ZNF521: variants seen among roughly 807,000 people sequenced by gnomAD.
ZNF521 encodes the protein LYST-interacting protein 3.
Under a neutral mutation model 105.5 loss-of-function variants are expected in ZNF521, and 14 were observed. The ratio of observed to expected loss-of-function variants is 0.13; its 90% confidence interval spans 0.09 to 0.21. The LOEUF (loss-of-function observed/expected upper bound fraction) is 0.21, where lower values mean the gene tolerates loss of function less well. ZNF521 is among the 10% of genes least tolerant of loss of function. ZNF521 has a pLI of 1.00. For missense variants in ZNF521, 1,233 were observed against 1,629.7 expected (o/e 0.76, Z 4.19); for synonymous variants, 635 against 606.0 (o/e 1.05, Z -0.70).
intron 5 of ZNF521, among the ~76,000 whole-genome samples, chr18:25,187,812 TACCATCTA>T (rs1464807014): frequency 3.3e-5 from 5 of 152,184 alleles, no homozygotes; most frequent in Non-Finnish European, 7.4e-5. Context: ...TTGAAAATCG[TACCATCTA>T]CAGGGTCTCC....
intron 2 of ZNF521, among the ~76,000 whole-genome samples, chr18:25,323,791 T>C (rs1216209696): frequency 6.6e-6 from 1 of 152,210 alleles, no homozygotes; most frequent in Non-Finnish European, 1.5e-5. Context: ...CTTATACTCC[T>C]TTCTTGTCTG....
Position 25,112,583 on chromosome 18 carries a change from C to T in ZNF521, c.3659-20502G>A, listed in dbSNP as rs2034214068. Reference sequence around the variant, plus strand: ...ACACACTCCCATCCAGCGCATCTTGCCATTCTGCATACACTTAATGTATGA... The same window carrying T: ...ACACACTCCCATCCAGCGCATCTTGTCATTCTGCATACACTTAATGTATGA... On this transcript the variant is annotated intron_variant, in intron 5 of 7. Transcript: ENST00000361524. 2.0e-5 allele frequency among the ~76,000 whole-genome samples: 3 copies of T among 152,142 alleles called. No individual in the cohort carries two copies. In the South Asian group the frequency reaches 6.2e-4, roughly 31 times the overall value.
At chr18:25,241,545 T>C (rs1907334475) in intron 3 of ZNF521, among the ~76,000 whole-genome samples, 1 of 151,936 alleles carries the variant, frequency 6.6e-6, no homozygotes. Context: ...TGTTGATGAA[T>C]ACAAATGTAA....
At chr18:25,350,199 A>G (rs1319579094) in intron 2 of ZNF521, among the ~76,000 whole-genome samples, 1 of 152,150 alleles carries the variant, frequency 6.6e-6, no homozygotes, top group African/African-American at 2.4e-5. Flanking sequence ...GGGACGACGG[A>G]GAGCTGGACC....
chr18:25,173,117 T>C (rs1011132684), intron 5 of ZNF521, among the ~76,000 whole-genome samples: 17 of 152,362 alleles, frequency 1.1e-4, no homozygotes, highest in African/African-American at 3.1e-4. Context: ...ATGATAAATC[T>C]GAGTGCGTCC....
At chr18:25,239,825 T>G (rs1355300300) in intron 3 of ZNF521, among the ~76,000 whole-genome samples, 2 of 152,180 alleles carry the variant, frequency 1.3e-5, no homozygotes, top group African/African-American at 4.8e-5. Flanking sequence ...TGATTTTTAT[T>G]GGCTTCATTT....
At chr18:25,298,773 T>C (rs1304505101) in intron 3 of ZNF521, among the ~76,000 whole-genome samples, 1 of 152,104 alleles carries the variant, frequency 6.6e-6, no homozygotes, top group Non-Finnish European at 1.5e-5. Flanking sequence ...GAGAAGGAAA[T>C]ACCATCTTAT....
intron 7 of ZNF521, among the ~76,000 whole-genome samples, chr18:25,074,175 C>T (rs2033302138): frequency 6.6e-6 from 1 of 152,250 alleles, no homozygotes; most frequent in Admixed American, 6.5e-5. Context: ...TACATACATG[C>T]ATTGCTTCTA....
chr18:25,264,717 T>C (rs1909132710), intron 3 of ZNF521, among the ~76,000 whole-genome samples: 1 of 152,202 alleles, frequency 6.6e-6, no homozygotes. Flanking sequence ...CTTTCAGTAA[T>C]TTTCATTGTT....
At chr18:25,139,019 A>AAT (rs1567978625) in intron 5 of ZNF521, among the ~76,000 whole-genome samples, 1 of 152,148 alleles carries the variant, frequency 6.6e-6, no homozygotes, top group Non-Finnish European at 1.5e-5. Context: ...TATCAAGAAG[A>AAT]ATCTATATGC....
Position 25,147,788 on chromosome 18 carries a change from A to G in ZNF521, c.3658+47372T>C, listed in dbSNP as rs112040972. Among the ~76,000 whole-genome samples the G allele has an allele frequency of 3.0e-3, 462 of 152,244 alleles. 1 individual carries two copies. Among genetic ancestry groups the G allele is most frequent in the South Asian group, 5.8e-3 (28 of 4,810 alleles). On this transcript the variant is annotated intron_variant, in intron 5 of 7. Coordinates refer to ENST00000361524, the MANE Select transcript of ZNF521 (RefSeq NM_015461.3). Reference sequence around the variant, plus strand: ...TAAAACAAATCCATCTTCAGATAACACTCTGTTTATAATCTTTCGTGCAGA... The same window carrying G: ...TAAAACAAATCCATCTTCAGATAACGCTCTGTTTATAATCTTTCGTGCAGA...
intron 3 of ZNF521, among the ~76,000 whole-genome samples, chr18:25,281,776 T>C (rs138153291): frequency 0.011 from 1,647 of 152,274 alleles, 21 homozygotes; most frequent in Admixed American, 0.036. Context: ...AACACAATCT[T>C]ACCAAAAGAC....
At chr18:25,178,315 G>A (rs1429515363) in intron 5 of ZNF521, among the ~76,000 whole-genome samples, 1 of 152,218 alleles carries the variant, frequency 6.6e-6, no homozygotes, top group Non-Finnish European at 1.5e-5. Context: ...AGACAGGACT[G>A]AGGCACATAT....
At chr18:25,349,961 C>A (rs1914651161) in intron 2 of ZNF521, among the ~76,000 whole-genome samples, 1 of 151,782 alleles carries the variant, frequency 6.6e-6, no homozygotes, top group African/African-American at 2.4e-5. Flanking sequence ...CCTCGGAGCG[C>A]CGGACCTCGC....
intron 3 of ZNF521, among the ~76,000 whole-genome samples, chr18:25,236,987 T>G (rs1906942125): frequency 6.6e-6 from 1 of 152,202 alleles, no homozygotes; most frequent in Non-Finnish European, 1.5e-5. Flanking sequence ...ATTTGAGGAC[T>G]TTCCAGTTAC....
chr18:25,101,639 T>C (rs1292104718), intron 5 of ZNF521, among the ~76,000 whole-genome samples: 1 of 152,046 alleles, frequency 6.6e-6, no homozygotes, highest in Non-Finnish European at 1.5e-5. Flanking sequence ...CTGAGAACAA[T>C]ATGTAAACTT....
Position 25,227,004 on chromosome 18 carries a change from C to A in ZNF521, c.914G>T (p.Ser305Ile), listed in dbSNP as rs528785388. 6.2e-7 allele frequency: 1 copy of A among 1,614,152 alleles called. No individual in the cohort carries two copies. Among genetic ancestry groups the A allele is most frequent in the East Asian group, 2.2e-5 (1 of 44,876 alleles). ...SLMNHMEQVH[S>I]GEKKNSCSIC... is the part of the protein sequence containing the mutation. ...GCTGCATGAGTTCTTCTTCTCCCCGCTATGCACCTGCTCCATGTGGTTCAT... is the reference window on the plus strand; with the variant it reads ...GCTGCATGAGTTCTTCTTCTCCCCGATATGCACCTGCTCCATGTGGTTCAT... The change falls in exon 4 of 8, where the codon AGC (serine) becomes ATC (isoleucine). Residue 305 changes from serine to isoleucine, a missense_variant. Ser to Ile is a moderately radical substitution (Grantham distance 142). Coordinates refer to ENST00000361524, the MANE Select transcript of ZNF521 (RefSeq NM_015461.3). The surrounding 1 kb of genome is among the most constrained non-coding windows in gnomAD (Gnocchi z 5.7).
At chr18:25,296,779 C>T (rs911978124) in intron 3 of ZNF521, among the ~76,000 whole-genome samples, 1 of 152,056 alleles carries the variant, frequency 6.6e-6, no homozygotes, top group South Asian at 2.1e-4. Context: ...CATTTTGGTG[C>T]TTATTTATAT....
chr18:25,184,471 T>C (rs8084530), intron 5 of ZNF521, among the ~76,000 whole-genome samples: 3,703 of 152,308 alleles, frequency 0.024, 159 homozygotes, highest in African/African-American at 0.085. Flanking sequence ...GAAAATGTCT[T>C]GTGGTGACTT....
Sources: allele counts gnomAD v4.1 joint callset (sites outside exome capture counted in the v4.1 genomes callset), GRCh38; gene constraint gnomAD v4.1.1; non-coding constraint Gnocchi (gnomAD v3.1); transcripts MANE v1.5; gene names NCBI Gene and HGNC (gene_info 2026-07-23, HGNC 2026-07-21).